EYS: variants seen among roughly 807,000 people sequenced by gnomAD.
EYS encodes the protein protein eyes shut homolog.
EYS carries 250 observed loss-of-function variants against 282.1 expected under a neutral mutation model. The observed-to-expected ratio is 0.89, with a 90% CI of 0.80 to 0.98. The LOEUF is 0.98. EYS is among the 50% of genes least tolerant of loss of function. The pLI is 0.00. For missense variants in EYS, 4,016 were observed against 3,709.0 expected (o/e 1.08, Z -2.15); for synonymous variants, 1,355 against 1,282.9 (o/e 1.06, Z -1.20).
At chr6:64,180,840 A>T (rs1019035911) in intron 31 of EYS, among the ~76,000 whole-genome samples, 2 of 152,122 alleles carry the variant, frequency 1.3e-5, no homozygotes, top group African/African-American at 4.8e-5. Context: ...GAGGATACAT[A>T]TGCAGGTTTG....
chr6:64,246,532 G>GTT (rs1349629736), intron 30 of EYS, among the ~76,000 whole-genome samples: 6 of 152,140 alleles, frequency 3.9e-5, no homozygotes, highest in Admixed American at 6.5e-5. Flanking sequence ...AGACATGTGT[G>GTT]TACAGTTTGC....
At chr6:65,365,620 T>TTGTG (rs1562125433) in intron 8 of EYS, among the ~76,000 whole-genome samples, 1 of 151,844 alleles carries the variant, frequency 6.6e-6, no homozygotes, top group Non-Finnish European at 1.5e-5. Context: ...TTCCTCAACA[T>TTGTG]TGTGTGCCTG....
intron 26 of EYS, among the ~76,000 whole-genome samples, chr6:64,506,808 C>A (rs1777221781): frequency 6.7e-6 from 1 of 148,842 alleles, no homozygotes. Context: ...ACTGGGGAGG[C>A]TGAGGCAGGA....
At chr6:63,808,830 A>G (rs1274506546) in intron 36 of EYS, among the ~76,000 whole-genome samples, 2 of 152,180 alleles carry the variant, frequency 1.3e-5, no homozygotes, top group Non-Finnish European at 2.9e-5. Context: ...TCAGTATGAA[A>G]CAAAGAATGT....
chr6:65,601,999 C>A (rs1484111108), intron 2 of EYS, among the ~76,000 whole-genome samples: 1 of 151,764 alleles, frequency 6.6e-6, no homozygotes, highest in African/African-American at 2.4e-5. Flanking sequence ...GCCTATGTAA[C>A]AAAGCATGAC....
intron 7 of EYS, among the ~76,000 whole-genome samples, chr6:65,397,018 C>A (rs1160667356): frequency 6.6e-6 from 1 of 151,762 alleles, no homozygotes; most frequent in Admixed American, 6.6e-5. Flanking sequence ...GTATTTTTAT[C>A]ATCCTAACTC....
At chr6:65,449,925 T>C (rs552368188) in intron 5 of EYS, among the ~76,000 whole-genome samples, 4 of 152,194 alleles carry the variant, frequency 2.6e-5, no homozygotes, top group Admixed American at 2.0e-4. Flanking sequence ...ACTTACTAAT[T>C]GAAATTTTAA....
chr6:64,304,462 A>C (rs1769361139), intron 30 of EYS, among the ~76,000 whole-genome samples: 2 of 152,210 alleles, frequency 1.3e-5, no homozygotes, highest in African/African-American at 4.8e-5. Context: ...AGAACATACT[A>C]CACAACAACA....
chr6:64,553,357 C>T (rs967391816), intron 26 of EYS, among the ~76,000 whole-genome samples: 2 of 152,056 alleles, frequency 1.3e-5, no homozygotes, highest in African/African-American at 4.8e-5. Flanking sequence ...AGGATTATAT[C>T]CCTTCTTTAA....
chr6:65,175,859 C>CAA (rs1765211089), intron 12 of EYS, among the ~76,000 whole-genome samples: 3 of 151,612 alleles, frequency 2.0e-5, no homozygotes, highest in South Asian at 4.1e-4. Context: ...AATTTACACA[C>CAA]AAGGCATAGG....
At chr6:64,837,413 C>G (rs1374188479) in intron 19 of EYS, among the ~76,000 whole-genome samples, 1 of 151,126 alleles carries the variant, frequency 6.6e-6, no homozygotes, top group East Asian at 1.9e-4. Context: ...CCCCTAAGAA[C>G]TGAAACAAGA....
chr6:63,893,404 A>G (rs1773457199), intron 35 of EYS, among the ~76,000 whole-genome samples: 1 of 152,122 alleles, frequency 6.6e-6, no homozygotes, highest in African/African-American at 2.4e-5. Context: ...CCATAAAAAA[A>G]GGATGAGTTC....
intron 12 of EYS, among the ~76,000 whole-genome samples, chr6:65,147,073 G>GT (rs1230298279): frequency 2.6e-5 from 4 of 151,824 alleles, no homozygotes; most frequent in Non-Finnish European, 5.9e-5. Context: ...CTAACAGTAT[G>GT]TTTTTTGGTT....
chr6:64,662,616 T>A (rs1769079885), intron 22 of EYS, among the ~76,000 whole-genome samples: 1 of 152,206 alleles, frequency 6.6e-6, no homozygotes, highest in Non-Finnish European at 1.5e-5. Context: ...TCTGTTTGTA[T>A]AATAGTTTGT....
At chr6:63,905,889 G>T (rs1161153496) in intron 35 of EYS, among the ~76,000 whole-genome samples, 2 of 152,074 alleles carry the variant, frequency 1.3e-5, no homozygotes, top group Non-Finnish European at 2.9e-5. Flanking sequence ...TTTCTTGTCT[G>T]GGTCAGCATC....
chr6:64,386,468 C>T (rs868391749), intron 29 of EYS, among the ~76,000 whole-genome samples: 10 of 152,126 alleles, frequency 6.6e-5, no homozygotes, highest in African/African-American at 2.4e-4. Context: ...GACTTATTCA[C>T]TACCAGGAGA....
At chr6:64,356,325 A>G (rs143003017) in intron 29 of EYS, among the ~76,000 whole-genome samples, 3 of 151,710 alleles carry the variant, frequency 2.0e-5, no homozygotes, top group Non-Finnish European at 4.4e-5. Flanking sequence ...AATACACAGT[A>G]TTGGGAAAAC....
intron 26 of EYS, among the ~76,000 whole-genome samples, chr6:64,447,411 A>G (rs1775150103): frequency 6.6e-6 from 1 of 152,092 alleles, no homozygotes; most frequent in East Asian, 1.9e-4. Flanking sequence ...TTTACTTAGT[A>G]TATGATAGGT....
chr6:64,413,614 A>G (rs1354077514), intron 28 of EYS, among the ~76,000 whole-genome samples: 3 of 152,124 alleles, frequency 2.0e-5, no homozygotes, highest in Non-Finnish European at 4.4e-5. Context: ...GGAAGAACAC[A>G]AAGTACAGAA....
Sources: allele counts gnomAD v4.1 joint callset (sites outside exome capture counted in the v4.1 genomes callset), GRCh38; gene constraint gnomAD v4.1.1; transcripts MANE v1.5; gene names NCBI Gene and HGNC (gene_info 2026-07-23, HGNC 2026-07-21).